MAPKAPK5: variants seen among roughly 807,000 people sequenced by gnomAD.
MAPKAPK5 encodes the protein MAP kinase-activated protein kinase 5.
A neutral mutation model predicts 65.1 loss-of-function variants in MAPKAPK5; 30 were observed. The ratio of observed to expected loss-of-function variants is 0.46; its 90% CI spans 0.34 to 0.63. The LOEUF is 0.63. Among genes scored for constraint, MAPKAPK5 ranks in the 20% least tolerant of loss-of-function variants. The pLI is 0.01. For missense variants in MAPKAPK5, 433 were observed against 581.4 expected (o/e 0.74, Z 2.63); for synonymous variants, 179 against 204.6 (o/e 0.87, Z 1.07).
At position 111,883,336 on chromosome 12, in the gene MAPKAPK5, C is replaced by A. The variant is rs769331695; in HGVS notation, c.661-245C>A. ...CGGAGGTTGCAGTGAGCTGAGATTACGCCACTGCACTCCAGCCTGGGCAAC... is the reference window on the plus strand; with the variant it reads ...CGGAGGTTGCAGTGAGCTGAGATTAAGCCACTGCACTCCAGCCTGGGCAAC... On this transcript the variant is annotated intron_variant, in intron 8 of 13. Coordinates refer to ENST00000550735, the MANE Select transcript of MAPKAPK5 (RefSeq NM_003668.4). The surrounding 1 kb of genome is among the most constrained non-coding windows in gnomAD (Gnocchi z 4.8). Among the ~76,000 whole-genome samples, 1 of 151,844 alleles carries A rather than the reference C, an allele frequency of 6.6e-6. No homozygotes were observed. The highest frequency in any genetic ancestry group is 1.5e-5 in the Non-Finnish European group (1 of 67,974).
At chr12:111,847,128 G>C (rs2068929162) in intron 1 of MAPKAPK5, among the ~76,000 whole-genome samples, 1 of 151,830 alleles carries the variant, frequency 6.6e-6, no homozygotes. Context: ...GATCATTTGA[G>C]GTCAGGAGTT....
intron 6 of MAPKAPK5, among the ~76,000 whole-genome samples, chr12:111,870,856 C>T (rs1460651762): frequency 2.6e-5 from 4 of 152,104 alleles, no homozygotes; most frequent in Admixed American, 1.3e-4. Context: ...AGTTCTAAAG[C>T]AAAAATAGCT....
rs191304356 is a variant in MAPKAPK5 at position 111,889,853 on chromosome 12, A to G, written c.1217-187A>G. On this transcript the variant is annotated intron_variant, in intron 12 of 13. Transcript: ENST00000550735. ...ATTTGTATAAAGATGTCAGAGTAAA[A>G]AAGAGTCCACATACCAGATGCGGTC... 722 of 531,970 alleles carry G rather than the reference A, an allele frequency of 1.4e-3. 7 individuals are homozygous for G. Among genetic ancestry groups the G allele is most frequent in the Non-Finnish European group, 2.9e-4 (85 of 294,634 alleles). The allele number at this position is 531,970 out of a possible 1,614,324, so 33.0% of individuals were successfully genotyped here. A position where few individuals can be genotyped will look rare whatever the true frequency, so the allele number is the denominator to read the frequency against.
At chr12:111,843,065 CCTACTA>C (rs377053897) in intron 1 of MAPKAPK5, 1 of 398,478 alleles carries the variant, frequency 2.5e-6, no homozygotes, top group Non-Finnish European at 4.4e-6. Flanking sequence ...CGAAGAGAGC[CCTACTA>C]CTACTACTAC....
At chr12:111,863,877 T>G (rs542841600) in intron 1 of MAPKAPK5, among the ~76,000 whole-genome samples, 1 of 152,126 alleles carries the variant, frequency 6.6e-6, no homozygotes, top group Non-Finnish European at 1.5e-5. Context: ...AGTGCTGGGA[T>G]TACAGGCATG....
Position 111,847,344 on chromosome 12 carries a change from C to CAAAA in MAPKAPK5, c.36+4589_36+4592dup, listed in dbSNP as rs58150812. ...GCCTGGGCGACAGGGTGAGACTCTG[C>CAAAA]AAAAAAAAAAAAAAAAATTTAGGAT... On this transcript the variant is annotated intron_variant, in intron 1 of 13. Coordinates refer to ENST00000550735, the MANE Select transcript of MAPKAPK5 (RefSeq NM_003668.4). 5.3e-3 allele frequency among the ~76,000 whole-genome samples: 550 copies of CAAAA among 103,290 alleles called. 10 individuals carry two copies. Among genetic ancestry groups the CAAAA allele is most frequent in the Middle Eastern group, 0.017 (3 of 180 alleles). 67.8% of individuals were successfully genotyped at this position (103,290 alleles called of 152,430 possible).
chr12:111,876,467 T>TA (rs1025756043), intron 7 of MAPKAPK5, among the ~76,000 whole-genome samples: 47 of 145,590 alleles, frequency 3.2e-4, no homozygotes, highest in South Asian at 4.4e-4. Flanking sequence ...AAATAAAAGT[T>TA]AAAAAAAAAA....
chr12:111,851,829 T>G (rs1230422536), intron 1 of MAPKAPK5, among the ~76,000 whole-genome samples: 1 of 152,180 alleles, frequency 6.6e-6, no homozygotes, highest in Non-Finnish European at 1.5e-5. Context: ...CGTGACTTCA[T>G]AGGATTTATG....
intron 5 of MAPKAPK5, 21 bp from the exon 6 acceptor site, chr12:111,870,250 T>C: frequency 6.4e-7 from 1 of 1,567,256 alleles, no homozygotes; most frequent in Non-Finnish European, 8.8e-7. Context: ...GAAGCGACTG[T>C]TTCATTGTGT....
chr12:111,876,665 C>T (rs1056604126), intron 7 of MAPKAPK5, among the ~76,000 whole-genome samples: 6 of 152,142 alleles, frequency 3.9e-5, no homozygotes, highest in African/African-American at 1.4e-4. Flanking sequence ...TTTTCTGAGA[C>T]TTCCAATCAA....
At position 111,842,759 on chromosome 12, in the gene MAPKAPK5, A is replaced by G; in HGVS notation, c.26A>G (p.Lys9Arg). MSEESDMD[K>R]AIKETSILEE... ...ATGTCGGAGGAGAGCGACATGGACA[A>G]AGCCATCAAGGTAAGGGGGAGGTGC... Residue 9 changes from lysine to arginine, a missense_variant, in exon 1 of 14, where the codon AAA becomes AGA. Coordinates refer to ENST00000550735, the MANE Select transcript of MAPKAPK5 (RefSeq NM_003668.4). 7.4e-7 allele frequency: 1 copy of G among 1,342,302 alleles called. No homozygotes were observed. Among genetic ancestry groups the G allele is most frequent in the African/African-American group, 1.5e-5 (1 of 66,714 alleles). The allele number at this position is 1,342,302 out of a possible 1,614,324, so 83.1% of individuals were successfully genotyped here.
chr12:111,863,434 A>AT (rs1411646918), intron 1 of MAPKAPK5, among the ~76,000 whole-genome samples: 5 of 152,134 alleles, frequency 3.3e-5, no homozygotes, highest in Non-Finnish European at 5.9e-5. Flanking sequence ...CATTCACTGG[A>AT]TAGAGGCCTT....
chr12:111,895,353 A>C lies in MAPKAPK5; in HGVS notation c.*2292A>C, dbSNP rs1257225714. The C allele has an allele frequency of 6.6e-6, 1 of 151,398 alleles. No homozygotes were observed. The highest frequency in any genetic ancestry group is 1.5e-5 in the Non-Finnish European group (1 of 67,838). 9.4% of individuals were successfully genotyped at this position (151,398 alleles called of 1,614,324 possible). On this transcript the variant is annotated 3_prime_UTR_variant, in exon 14 of 14. Transcript: ENST00000550735. ...CCTGACCTCGTGATCCGCCCACCTC[A>C]GCCTCCAAAAGTGCTGGGATTACAG...
chr12:111,858,992 T>G (rs2069339932), intron 1 of MAPKAPK5, among the ~76,000 whole-genome samples: 1 of 148,024 alleles, frequency 6.8e-6, no homozygotes, highest in Admixed American at 6.7e-5. Flanking sequence ...CTTTAATTCT[T>G]TGGACGTTTA....
chr12:111,846,506 T>C (rs978366825), intron 1 of MAPKAPK5, among the ~76,000 whole-genome samples: 36 of 151,814 alleles, frequency 2.4e-4, no homozygotes, highest in Admixed American at 4.6e-4. Context: ...TTTTCTTTTT[T>C]TTTTTTTTTG....
chr12:111,880,024 C>T (rs762550421), intron 7 of MAPKAPK5: 8 of 223,668 alleles, frequency 3.6e-5, no homozygotes, highest in African/African-American at 8.9e-5. Context: ...AATGGTCTCA[C>T]GGTGGCAGTG....
At chr12:111,863,013 G>A (rs1047241161) in intron 1 of MAPKAPK5, among the ~76,000 whole-genome samples, 2 of 152,168 alleles carry the variant, frequency 1.3e-5, no homozygotes, top group African/African-American at 4.8e-5. Context: ...TTCTGTTGAG[G>A]AGGTGGTGAG....
At chr12:111,843,447 T>G (rs1030954670) in intron 1 of MAPKAPK5, 1 of 394,324 alleles carries the variant, frequency 2.5e-6, no homozygotes, top group East Asian at 3.6e-5. Flanking sequence ...TTTTTTTTTT[T>G]TAAAGGCACA....
Position 111,858,867 on chromosome 12 carries a change from A to G in MAPKAPK5, c.37-6383A>G, listed in dbSNP as rs578067047. On this transcript the variant is annotated intron_variant, in intron 1 of 13. Transcript: ENST00000550735. ...GTTGAGCACCTCTGATCAGTTTTTC[A>G]TGCCAGTCATTATAATTTTTAACTC... Among the ~76,000 whole-genome samples, 4 of 147,780 alleles carry G rather than the reference A, an allele frequency of 2.7e-5. 1 individual carries two copies. The highest frequency in any genetic ancestry group is 7.5e-5 in the African/African-American group (3 of 39,958).
Sources: gnomAD v4.1 joint callset for allele counts (sites outside exome capture counted in the v4.1 genomes callset) on GRCh38, gnomAD v4.1.1 for gene constraint, Gnocchi (gnomAD v3.1) non-coding constraint, MANE v1.5 for transcripts, NCBI Gene and HGNC (gene_info 2026-07-23, HGNC 2026-07-21) for gene names.